The following KDM6A variants were observed in gnomAD, a reference collection of about 807,000 sequenced individuals.
KDM6A encodes the protein lysine demethylase 6A.
In KDM6A, 11 loss-of-function variants were observed where a neutral mutation model predicts 117.6. The ratio of observed to expected loss-of-function variants is 0.09; its 90% CI spans 0.06 to 0.15. The LOEUF (loss-of-function observed/expected upper bound fraction) is 0.15. Ranked by LOEUF, KDM6A falls within the 10% of genes least tolerant of loss-of-function variation. KDM6A has a pLI of 1.00. For missense variants in KDM6A, 799 were observed against 1,077.3 expected (o/e 0.74, Z 3.62); for synonymous variants, 384 against 396.1 (o/e 0.97, Z 0.36).
chrX:44,915,329 G>C (rs2035482116), intron 2 of KDM6A, among the ~76,000 whole-genome samples: 1 of 111,857 alleles, frequency 8.9e-6, no homozygotes, highest in African/African-American at 3.3e-5. Context: ...TCCAATGCTG[G>C]AAAAAGTGAC....
chrX:44,889,770 A>G (rs1602064983), intron 2 of KDM6A, among the ~76,000 whole-genome samples: 1 of 112,698 alleles, frequency 8.9e-6, no homozygotes, highest in East Asian at 2.8e-4. Context: ...ACTTACAGAA[A>G]TGGACATCAC....
intron 4 of KDM6A, among the ~76,000 whole-genome samples, chrX:44,986,343 A>AT (rs1380185898): frequency 1.8e-5 from 2 of 109,781 alleles, no homozygotes; most frequent in Admixed American, 9.7e-5. Flanking sequence ...AATTTTGTTG[A>AT]TTTTTTCAAA....
intron 2 of KDM6A, among the ~76,000 whole-genome samples, chrX:44,932,199 A>G (rs1386340457): frequency 5.0e-5 from 5 of 100,148 alleles, no homozygotes; most frequent in African/African-American, 1.1e-4. Flanking sequence ...GGTTTAAGCA[A>G]TCCTCCTGCC....
chrX:44,928,380 T>C (rs2036427521), intron 2 of KDM6A, among the ~76,000 whole-genome samples: 3 of 112,204 alleles, frequency 2.7e-5, no homozygotes, highest in African/African-American at 3.2e-5. Flanking sequence ...CCTTGTACTA[T>C]CTTTTCAACT....
intron 2 of KDM6A, among the ~76,000 whole-genome samples, chrX:44,886,122 A>G (rs2032844697): frequency 9.2e-6 from 1 of 108,811 alleles, no homozygotes; most frequent in Non-Finnish European, 1.9e-5. Flanking sequence ...CAGTGGTGCA[A>G]TCTTGGCTCA....
chrX:45,014,272 A>G (rs2041879200), intron 5 of KDM6A, among the ~76,000 whole-genome samples: 1 of 111,635 alleles, frequency 9.0e-6, no homozygotes, highest in South Asian at 3.7e-4. Flanking sequence ...TATGCTACCT[A>G]TTTTTTATTT....
chrX:45,081,609 T>C (rs986252741), intron 21 of KDM6A, among the ~76,000 whole-genome samples: 2 of 111,066 alleles, frequency 1.8e-5, no homozygotes, highest in East Asian at 2.8e-4. Flanking sequence ...TGCTAGCTTA[T>C]ATCATTTATA....
rs1000993497 is a variant in KDM6A at position 45,059,832 on chromosome X, G to C, written c.1195-190G>C. Among the ~76,000 whole-genome samples, 5 of 111,829 alleles carry C rather than the reference G, an allele frequency of 4.5e-5. 1 individual carries two copies. Among genetic ancestry groups the C allele is most frequent in the South Asian group, 3.7e-4 (1 of 2,718 alleles). Reference sequence around the variant, plus strand: ...ATGAGAACTCTGAAAACAGAGCTCAGCTTTGTTTTGATTCTCACAAAGGTT... The same window carrying C: ...ATGAGAACTCTGAAAACAGAGCTCACCTTTGTTTTGATTCTCACAAAGGTT... On this transcript the variant is annotated intron_variant, in intron 12 of 29. Coordinates refer to ENST00000611820, the MANE Select transcript of KDM6A (RefSeq NM_001291415.2).
At chrX:44,984,444 T>C (rs1431697480) in intron 4 of KDM6A, among the ~76,000 whole-genome samples, 4 of 111,809 alleles carry the variant, frequency 3.6e-5, no homozygotes, top group African/African-American at 9.7e-5. Context: ...TTTTGGCTTT[T>C]GTTGCCATTG....
chrX:44,963,499 C>CTGTCTGTCTGTCTGTCTGTCTGTCTCTG (rs796328734), intron 3 of KDM6A, among the ~76,000 whole-genome samples: 5,706 of 80,741 alleles, frequency 0.071, 254 homozygotes, highest in East Asian at 0.19. Flanking sequence ...GTCTGTCTGT[C>CTGTCTGTCTGTCTGTCTGTCTGTCTCTG]TCTGTCTGTC....
At chrX:45,076,670 T>G (rs1160959877) in intron 18 of KDM6A, 27 bp from the exon 19 acceptor site, 1 of 1,006,453 alleles carries the variant, frequency 9.9e-7, no homozygotes, top group Admixed American at 2.7e-5. Flanking sequence ...AATGTACAAC[T>G]GATTATCCCT....
At chrX:44,944,458 C>T (rs768990232) in intron 2 of KDM6A, among the ~76,000 whole-genome samples, 7 of 111,800 alleles carry the variant, frequency 6.3e-5, no homozygotes, top group Non-Finnish European at 1.1e-4. Context: ...ACAAAAAAAT[C>T]CTGCTGGAAT....
intron 10 of KDM6A, among the ~76,000 whole-genome samples, chrX:45,055,144 G>A (rs2044018828): frequency 9.0e-6 from 1 of 110,727 alleles, no homozygotes; most frequent in South Asian, 3.8e-4. Context: ...TTTAAGTTTT[G>A]TTCTATTATT....
intron 2 of KDM6A, among the ~76,000 whole-genome samples, chrX:44,949,089 G>A (rs1307240715): frequency 8.9e-6 from 1 of 111,910 alleles, no homozygotes; most frequent in Non-Finnish European, 1.9e-5. Context: ...TTATAAAATT[G>A]CATATAAAGA....
intron 2 of KDM6A, among the ~76,000 whole-genome samples, chrX:44,930,796 T>C (rs752333241): frequency 3.6e-5 from 4 of 112,280 alleles, no homozygotes; most frequent in African/African-American, 9.7e-5. Flanking sequence ...TAATCTCTTA[T>C]GTACCTGGAA....
chrX:44,964,426 G>C (rs554151775), intron 3 of KDM6A, among the ~76,000 whole-genome samples: 36 of 99,240 alleles, frequency 3.6e-4, no homozygotes, highest in Non-Finnish European at 4.0e-4. Flanking sequence ...TCCAGCCTGG[G>C]TGACAGAGTG....
At chrX:45,088,967 T>A (rs1286316568) in intron 25 of KDM6A, among the ~76,000 whole-genome samples, 1 of 111,828 alleles carries the variant, frequency 8.9e-6, no homozygotes, top group African/African-American at 3.3e-5. Flanking sequence ...CTATATGGAG[T>A]CTGACATCCA....
chrX:45,083,728 A>G (rs1823283646), intron 24 of KDM6A, 120 bp downstream of exon 24: 1 of 647,007 alleles, frequency 1.5e-6, no homozygotes, highest in African/African-American at 2.2e-5. Flanking sequence ...TGTTCCTGTT[A>G]TAAGACTTTT....
At chrX:44,945,538 G>A (rs1184758866) in intron 2 of KDM6A, among the ~76,000 whole-genome samples, 1 of 110,589 alleles carries the variant, frequency 9.0e-6, no homozygotes, top group Non-Finnish European at 1.9e-5. Context: ...GCCTTGTATG[G>A]AAAATGTTGG....
Sources: gnomAD v4.1 joint callset for allele counts (sites outside exome capture counted in the v4.1 genomes callset) on GRCh38, gnomAD v4.1.1 for gene constraint, MANE v1.5 for transcripts, NCBI Gene and HGNC (gene_info 2026-07-23, HGNC 2026-07-21) for gene names.